Variants in EPS8 observed in about 807,000 individuals in gnomAD.
EPS8 encodes the protein epidermal growth factor receptor kinase substrate 8.
In EPS8, 42 loss-of-function variants were observed where a neutral mutation model predicts 103.8. The ratio of observed to expected loss-of-function variants is 0.40; its 90% CI spans 0.32 to 0.52. The LOEUF (loss-of-function observed/expected upper bound fraction) is 0.52, where lower values mean the gene tolerates loss of function less well. EPS8 is among the 20% of genes least tolerant of loss of function. EPS8 has a pLI of 0.40. For missense variants in EPS8, 969 were observed against 1,005.1 expected, an observed-to-expected ratio of 0.96 and a Z score of 0.49; for synonymous variants, 344 against 344.6, an observed-to-expected ratio of 1.00 and a Z score of 0.02.
intron 18 of EPS8, among the ~76,000 whole-genome samples, chr12:15,629,415 G>A (rs1169685388): frequency 6.6e-6 from 1 of 152,068 alleles, no homozygotes; most frequent in African/African-American, 2.4e-5. Context: ...ATAAACTTGT[G>A]GGAAGAATAA....
rs1946224560 is a variant in EPS8 at position 15,695,043 on chromosome 12, T to A, written c.-21-12071A>T. 6.6e-6 allele frequency among the ~76,000 whole-genome samples: 1 copy of A among 152,188 alleles called. No individual in the cohort carries two copies. Among genetic ancestry groups the A allele is most frequent in the Non-Finnish European group, 1.5e-5 (1 of 68,028 alleles). ...AGCACTTTACATGCATTATCTTACT[T>A]CTTATTAAGAGGTAAAAAGAACTTC... On this transcript the variant is annotated intron_variant, in intron 1 of 20. Coordinates refer to ENST00000281172, the MANE Select transcript of EPS8 (RefSeq NM_004447.6). This position sits in a 1 kb window ranked among gnomAD's most constrained non-coding sequence, Gnocchi z 5.0.
intron 2 of EPS8, 143 bp downstream of exon 2, chr12:15,682,750 T>A (rs1946029307): frequency 1.7e-6 from 1 of 585,294 alleles, no homozygotes. Context: ...TAACATGTGT[T>A]GTAACAAAGA....
intron 17 of EPS8, 76 bp from the exon 18 acceptor site, chr12:15,631,740 A>G: frequency 8.6e-7 from 1 of 1,167,160 alleles, no homozygotes; most frequent in Non-Finnish European, 1.2e-6. Context: ...ATACTTTGAT[A>G]GGACATTGTT....
At chr12:15,657,456 A>G (rs1945527548) in intron 12 of EPS8, among the ~76,000 whole-genome samples, 1 of 152,122 alleles carries the variant, frequency 6.6e-6, no homozygotes, top group Non-Finnish European at 1.5e-5. Flanking sequence ...TTTTTAGACT[A>G]CTGTATTATG....
intron 1 of EPS8, among the ~76,000 whole-genome samples, chr12:15,770,263 T>C (rs1410552042): frequency 1.7e-5 from 2 of 121,106 alleles, no homozygotes; most frequent in Admixed American, 1.1e-4. Flanking sequence ...CACTCCAGCC[T>C]GCATGACAGA....
rs1423832191 is a variant in EPS8, at chr12:15,684,270, C to T, written c.-21-1298G>A. The T allele has an allele frequency of 3.3e-5, 5 of 152,158 alleles. No individual in the cohort carries two copies. 9.4% of individuals were successfully genotyped at this position (152,158 alleles called of 1,614,324 possible). On this transcript the variant is annotated intron_variant, in intron 1 of 20. Coordinates refer to ENST00000281172, the MANE Select transcript of EPS8 (RefSeq NM_004447.6). This position sits in a 1 kb window ranked among gnomAD's most constrained non-coding sequence, Gnocchi z 4.9. ...CATTCTTCAGATCTCAGTTCAATCA[C>T]AATGTCCTCAGGGGAAGATTTTACT...
Position 15,640,812 on chromosome 12 carries a change from C to T in EPS8, c.1712G>A (p.Arg571Gln), listed in dbSNP as rs764001328. 1.2e-5 allele frequency: 20 copies of T among 1,613,732 alleles called. No homozygotes were observed. The East Asian group carries it at 2.0e-4, about 16-fold the overall frequency. ...AAATCCAGAGTCTCCACTTGCATTTCGAACTTTCCACCATTGCTTCCGATC... is the reference window on the plus strand; with the variant it reads ...AAATCCAGAGTCTCCACTTGCATTTTGAACTTTCCACCATTGCTTCCGATC... ...LDDRKQWWKV[R>Q]NASGDSGFVP... The change falls in exon 17 of 21, where the codon CGA becomes CAA. Residue 571 changes from arginine (R) to glutamine (Q), a missense_variant. Arg to Gln is a conservative substitution (Grantham distance 43). Transcript: ENST00000281172.
At chr12:15,743,960 C>T (rs986839017) in intron 1 of EPS8, among the ~76,000 whole-genome samples, 1 of 152,182 alleles carries the variant, frequency 6.6e-6, no homozygotes, top group Non-Finnish European at 1.5e-5. Flanking sequence ...AAACTACCAT[C>T]AGAGTCAACA....
rs945364395 is a variant in EPS8 at position 15,713,055 on chromosome 12, T to C, written c.-21-30083A>G. The C allele has an allele frequency of 7.0e-5, 65 of 932,506 alleles. No individual in the cohort carries two copies. Among genetic ancestry groups the C allele is most frequent in the Non-Finnish European group, 8.1e-5 (63 of 781,812 alleles). The allele number at this position is 932,506 out of a possible 1,614,324, so 57.8% of individuals were successfully genotyped here. ...GGGCGTTAACTAAGATTTCCTCCTC[T>C]TGTTAAGTAAGTAAACACAGCTACC... On this transcript the variant is annotated intron_variant, in intron 1 of 20. Transcript: ENST00000281172. The surrounding 1 kb of genome is among the most constrained non-coding windows in gnomAD (Gnocchi z 4.8).
At chr12:15,626,499 T>G (rs1337404380) in intron 18 of EPS8, among the ~76,000 whole-genome samples, 1 of 151,586 alleles carries the variant, frequency 6.6e-6, no homozygotes, top group Non-Finnish European at 1.5e-5. Flanking sequence ...CGTGGTGGCA[T>G]GTGCCTGTGG....
chr12:15,727,616 T>C lies in EPS8; in HGVS notation c.-21-44644A>G, dbSNP rs981625397. 6.6e-6 allele frequency among the ~76,000 whole-genome samples: 1 copy of C among 152,164 alleles called. No homozygotes were observed. The highest frequency in any genetic ancestry group is 6.5e-5 in the Admixed American group (1 of 15,284). On this transcript the variant is annotated intron_variant, in intron 1 of 20. Coordinates refer to ENST00000281172, the MANE Select transcript of EPS8 (RefSeq NM_004447.6). The surrounding 1 kb of genome is among the most constrained non-coding windows in gnomAD (Gnocchi z 4.3). The stretch of plus-strand genomic sequence containing the variant: ...GGCTCACGCCTGTAATTCCAGCACC[T>C]TGGGAGGCCGAGGTGGGCGGATCAC...
rs1565519536 is a variant in EPS8, at chr12:15,725,859, T to C, written c.-21-42887A>G. On this transcript the variant is annotated intron_variant, in intron 1 of 20. Transcript: ENST00000281172. The surrounding 1 kb of genome is among the most constrained non-coding windows in gnomAD (Gnocchi z 4.5). ...TGTCTCACATCAGTAGGCTGCTTGA[T>C]TGGTTCAAAAATAAGATGCAGAATT... 6.6e-6 allele frequency among the ~76,000 whole-genome samples: 1 copy of C among 152,204 alleles called. No homozygotes were observed. Among genetic ancestry groups the C allele is most frequent in the Non-Finnish European group, 1.5e-5 (1 of 68,036 alleles).
At chr12:15,765,340 G>A (rs1031755566) in intron 1 of EPS8, among the ~76,000 whole-genome samples, 2 of 152,108 alleles carry the variant, frequency 1.3e-5, no homozygotes, top group African/African-American at 4.8e-5. Flanking sequence ...GGTCATGGGT[G>A]CACAATTCCA....
rs981233047 is a variant in EPS8 at position 15,676,405 on chromosome 12, C to T, written c.136+4821G>A. On this transcript the variant is annotated intron_variant, in intron 3 of 20. Transcript: ENST00000281172. ...GTGTTATAACAACATGGAAAAGGGA[C>T]AGGCTTGAGACCCAGTCACATGGAA... 2.6e-5 allele frequency among the ~76,000 whole-genome samples: 4 copies of T among 151,510 alleles called. No individual in the cohort carries two copies. The East Asian group carries it at 7.8e-4, about 29-fold the overall frequency.
chr12:15,761,093 G>C lies in EPS8; in HGVS notation c.-22+28068C>G, dbSNP rs987803781. ...TATTAAAACTGATAAATTCATTAAA[G>C]TTGCAGTATATATAATCAAATTACA... On this transcript the variant is annotated intron_variant, in intron 1 of 20. Transcript: ENST00000281172. This position sits in a 1 kb window ranked among gnomAD's most constrained non-coding sequence, Gnocchi z 4.5. Among the ~76,000 whole-genome samples, 4 of 151,896 alleles carry C rather than the reference G, an allele frequency of 2.6e-5. No individual in the cohort carries two copies.
rs1327578202 is a variant in EPS8, at chr12:15,776,156, C to G, written c.-22+13005G>C. On this transcript the variant is annotated intron_variant, in intron 1 of 20. Coordinates refer to ENST00000281172, the MANE Select transcript of EPS8 (RefSeq NM_004447.6). The surrounding 1 kb of genome is among the most constrained non-coding windows in gnomAD (Gnocchi z 4.2). ...TAAAAGAAATTTTTGCCCAAGTATT[C>G]TCCTTTCCAGTGATTGGTATGGTTG... Among the ~76,000 whole-genome samples the G allele has an allele frequency of 6.6e-6, 1 of 152,118 alleles. No homozygotes were observed. Among genetic ancestry groups the G allele is most frequent in the African/African-American group, 2.4e-5 (1 of 41,428 alleles).
chr12:15,758,581 C>T (rs1456972146), intron 1 of EPS8, among the ~76,000 whole-genome samples: 5 of 152,158 alleles, frequency 3.3e-5, no homozygotes, highest in African/African-American at 1.2e-4. Context: ...TACTGTACAG[C>T]ACTGGTACAG....
intron 1 of EPS8, among the ~76,000 whole-genome samples, chr12:15,719,524 A>G (rs936613040): frequency 2.6e-5 from 4 of 152,214 alleles, no homozygotes; most frequent in Admixed American, 2.6e-4. Context: ...ATATAAAGAG[A>G]AGATATTACA....
rs149455655 is a variant in EPS8, at chr12:15,696,752, C to A, written c.-21-13780G>T. On this transcript the variant is annotated intron_variant, in intron 1 of 20. Coordinates refer to ENST00000281172, the MANE Select transcript of EPS8 (RefSeq NM_004447.6). The surrounding 1 kb of genome is among the most constrained non-coding windows in gnomAD (Gnocchi z 4.8). ...CTTTTTTTACATGTCCACTTTGAGG[C>A]CAGTGTCAATCTATAAACCCCCAAA... Among the ~76,000 whole-genome samples the A allele has an allele frequency of 1.3e-5, 2 of 152,146 alleles. No homozygotes were observed. Among genetic ancestry groups the A allele is most frequent in the African/African-American group, 4.8e-5 (2 of 41,510 alleles).
Sources: allele counts gnomAD v4.1 joint callset (sites outside exome capture counted in the v4.1 genomes callset), GRCh38; gene constraint gnomAD v4.1.1; non-coding constraint Gnocchi (gnomAD v3.1); transcripts MANE v1.5; gene names NCBI Gene and HGNC (gene_info 2026-07-23, HGNC 2026-07-21).